The following CUX2 variants were observed in gnomAD, a reference collection of about 807,000 sequenced individuals.
The protein encoded by CUX2 is cut like homeobox 2.
In CUX2, 40 loss-of-function variants were observed where a neutral mutation model predicts 144.8. The ratio of observed to expected loss-of-function variants is 0.28; its 90% CI spans 0.21 to 0.36. CUX2 has a LOEUF of 0.36. Ranked by LOEUF, CUX2 falls within the 10% of genes least tolerant of loss-of-function variation. The pLI, the probability that CUX2 is intolerant of heterozygous loss-of-function variation, is 1.00. For missense variants in CUX2, 1,615 were observed against 1,994.0 expected, an observed-to-expected ratio of 0.81 and a Z score of 3.62; for synonymous variants, 827 against 875.6, an observed-to-expected ratio of 0.94 and a Z score of 0.98.
rs1466625485 is a variant in CUX2 at position 111,263,483 on chromosome 12, G to C, written c.223-278G>C. On this transcript the variant is annotated intron_variant, in intron 3 of 21. Coordinates refer to ENST00000261726, the MANE Select transcript of CUX2 (RefSeq NM_015267.4). The surrounding 1 kb of genome is among the most constrained non-coding windows in gnomAD (Gnocchi z 4.0). ...TAGCTGGGCATGGTGGCAGGCACCT[G>C]TAGTGGTAGCAGGCACCTGTAATCC... Among the ~76,000 whole-genome samples the C allele has an allele frequency of 1.3e-5, 2 of 152,154 alleles. No individual in the cohort carries two copies. The highest frequency in any genetic ancestry group is 4.8e-5 in the African/African-American group (2 of 41,418).
In CUX2 at chr12:111,331,256, G is replaced by A. The variant is rs144058288; in HGVS notation, c.2927-3185G>A. 2.2e-3 allele frequency among the ~76,000 whole-genome samples: 335 copies of A among 152,276 alleles called. 1 individual carries two copies. The highest frequency in any genetic ancestry group is 7.6e-3 in the African/African-American group (315 of 41,546). Reference sequence around the variant, plus strand: ...CAACTCACCCACGACAGAGAAGGAAGGAACCCATCCTGGGCTCAGGATGTC... The same window carrying A: ...CAACTCACCCACGACAGAGAAGGAAAGAACCCATCCTGGGCTCAGGATGTC... On this transcript the variant is annotated intron_variant, in intron 18 of 21. Coordinates refer to ENST00000261726, the MANE Select transcript of CUX2 (RefSeq NM_015267.4).
intron 4 of CUX2, among the ~76,000 whole-genome samples, chr12:111,274,852 C>T (rs1273282955): frequency 6.6e-6 from 1 of 151,792 alleles, no homozygotes; most frequent in Admixed American, 6.6e-5. Context: ...GCCTTTCCGG[C>T]TCTGTGTTTC....
At chr12:111,203,307 G>A (rs1314243572) in intron 1 of CUX2, among the ~76,000 whole-genome samples, 1 of 151,626 alleles carries the variant, frequency 6.6e-6, no homozygotes, top group African/African-American at 2.4e-5. Context: ...CACTTCAGGA[G>A]GCTGAGCCAG....
At chr12:111,125,415 G>A (rs1182194647) in intron 1 of CUX2, among the ~76,000 whole-genome samples, 1 of 152,174 alleles carries the variant, frequency 6.6e-6, no homozygotes, top group Non-Finnish European at 1.5e-5. Context: ...TTGGACTCAG[G>A]TGATCTGCCC....
At chr12:111,308,389 C>T (rs1179952762) in intron 13 of CUX2, 38 bp from the exon 14 acceptor site, 1 of 1,613,748 alleles carries the variant, frequency 6.2e-7, no homozygotes, top group East Asian at 2.2e-5. Flanking sequence ...AGCCTTCCGC[C>T]CACCAGGTGC....
At chr12:111,175,207 A>G (rs1385795078) in intron 1 of CUX2, among the ~76,000 whole-genome samples, 1 of 152,186 alleles carries the variant, frequency 6.6e-6, no homozygotes. Flanking sequence ...GAAGGCTAAA[A>G]TGCACTTACT....
At chr12:111,065,105 G>T (rs1870965183) in intron 1 of CUX2, among the ~76,000 whole-genome samples, 1 of 152,180 alleles carries the variant, frequency 6.6e-6, no homozygotes, top group Non-Finnish European at 1.5e-5. Context: ...GGTCATCTTT[G>T]GTAGGCTTGT....
intron 18 of CUX2, among the ~76,000 whole-genome samples, chr12:111,327,363 C>T (rs1461298769): frequency 6.6e-6 from 1 of 152,138 alleles, no homozygotes; most frequent in Non-Finnish European, 1.5e-5. Context: ...GTTTGAACCC[C>T]CATTTTCAGT....
At chr12:111,305,664 CT>C (rs2136360921) in intron 10 of CUX2, among the ~76,000 whole-genome samples, 1 of 148,934 alleles carries the variant, frequency 6.7e-6, no homozygotes, top group South Asian at 2.2e-4. Context: ...GATCCTGTCT[CT>C]GAAAAAAAAA....
chr12:111,338,625 G>A (rs1888454782), intron 20 of CUX2, 151 bp downstream of exon 20: 3 of 680,110 alleles, frequency 4.4e-6, no homozygotes, highest in Non-Finnish European at 7.1e-6. Flanking sequence ...GAAAAACAAT[G>A]TAACAATGTG....
At chr12:111,345,663 A>G (rs1888767999) in intron 21 of CUX2, among the ~76,000 whole-genome samples, 1 of 145,726 alleles carries the variant, frequency 6.9e-6, no homozygotes, top group South Asian at 2.2e-4. Context: ...AATGGCGTAA[A>G]CCCGGGAGCT....
At position 111,322,983 on chromosome 12, in the gene CUX2, G is replaced by C. The variant is rs913014639; in HGVS notation, c.2926+403G>C. On this transcript the variant is annotated intron_variant, in intron 18 of 21. Coordinates refer to ENST00000261726, the MANE Select transcript of CUX2 (RefSeq NM_015267.4). The surrounding 1 kb of genome is among the most constrained non-coding windows in gnomAD (Gnocchi z 4.2). ...AGACTCCTTCTTAGCACAGGGCCTT[G>C]GGCAGTGCCACCCAGCTGCCCATGA... 2.0e-5 allele frequency among the ~76,000 whole-genome samples: 3 copies of C among 152,206 alleles called. No individual in the cohort carries two copies. The highest frequency in any genetic ancestry group is 7.2e-5 in the African/African-American group (3 of 41,460).
At chr12:111,076,495 G>C (rs771670098) in intron 1 of CUX2, among the ~76,000 whole-genome samples, 1 of 152,232 alleles carries the variant, frequency 6.6e-6, no homozygotes, top group Non-Finnish European at 1.5e-5. Context: ...GCAGAGCCGG[G>C]ATTTGAATTC....
At chr12:111,065,078 G>A (rs777036886) in intron 1 of CUX2, among the ~76,000 whole-genome samples, 1 of 152,168 alleles carries the variant, frequency 6.6e-6, no homozygotes, top group Non-Finnish European at 1.5e-5. Context: ...CATGTGTTTT[G>A]TAATTTTGGA....
At chr12:111,104,079 C>T (rs995503888) in intron 1 of CUX2, among the ~76,000 whole-genome samples, 3 of 152,332 alleles carry the variant, frequency 2.0e-5, no homozygotes, top group East Asian at 1.9e-4. Flanking sequence ...CCTGCCTAAG[C>T]GCCACGGCTA....
chr12:111,232,608 G>T (rs1027840402), intron 3 of CUX2, among the ~76,000 whole-genome samples: 1 of 152,190 alleles, frequency 6.6e-6, no homozygotes, highest in African/African-American at 2.4e-5. Flanking sequence ...GAGGATTTTG[G>T]TATCCTCAGG....
intron 1 of CUX2, among the ~76,000 whole-genome samples, chr12:111,112,450 G>T (rs1030835088): frequency 6.6e-6 from 1 of 152,088 alleles, no homozygotes; most frequent in Non-Finnish European, 1.5e-5. Context: ...TTTCTGACTC[G>T]CAGAGCTATG....
chr12:111,236,933 G>A (rs949917795), intron 3 of CUX2, among the ~76,000 whole-genome samples: 4 of 152,162 alleles, frequency 2.6e-5, no homozygotes, highest in East Asian at 1.9e-4. Context: ...CAGATCACTT[G>A]AGTCCAGGAG....
At chr12:111,089,909 T>TG (rs1872460432) in intron 1 of CUX2, among the ~76,000 whole-genome samples, 1 of 152,202 alleles carries the variant, frequency 6.6e-6, no homozygotes, top group African/African-American at 2.4e-5. Context: ...CATGGGCAGA[T>TG]AAGGAGTTTG....
Sources: gnomAD v4.1 joint callset for allele counts (sites outside exome capture counted in the v4.1 genomes callset) on GRCh38, gnomAD v4.1.1 for gene constraint, Gnocchi (gnomAD v3.1) non-coding constraint, MANE v1.5 for transcripts, NCBI Gene and HGNC (gene_info 2026-07-23, HGNC 2026-07-21) for gene names.